Variants in TMEM178B observed in about 807,000 individuals in gnomAD.
TMEM178B encodes the protein transmembrane protein 178B.
TMEM178B carries 5 observed loss-of-function variants against 31.0 expected under a neutral mutation model. That is an observed-to-expected ratio of 0.16 (90% CI 0.08 to 0.34). The LOEUF (loss-of-function observed/expected upper bound fraction) is 0.34, where lower values mean the gene tolerates loss of function less well. Ranked by LOEUF, TMEM178B falls within the 10% of genes least tolerant of loss-of-function variation. The pLI is 1.00. For synonymous variants in TMEM178B, 164 were observed against 164.0 expected, an observed-to-expected ratio of 1.00 and a Z score of 0.00; for missense variants, 275 against 400.3, an observed-to-expected ratio of 0.69 and a Z score of 2.67.
chr7:141,243,813 A>G (rs1305478840), intron 2 of TMEM178B, among the ~76,000 whole-genome samples: 1 of 152,106 alleles, frequency 6.6e-6, no homozygotes, highest in African/African-American at 2.4e-5. Flanking sequence ...AATAGTGGCG[A>G]GTGTATTTTC....
At chr7:141,368,081 G>A (rs908115900) in intron 2 of TMEM178B, among the ~76,000 whole-genome samples, 2 of 152,200 alleles carry the variant, frequency 1.3e-5, no homozygotes, top group East Asian at 3.9e-4. Flanking sequence ...CACTTTGGGA[G>A]GCCAAAGTGG....
chr7:141,109,346 T>A (rs1368266354), intron 1 of TMEM178B, among the ~76,000 whole-genome samples: 1 of 151,924 alleles, frequency 6.6e-6, no homozygotes, highest in Non-Finnish European at 1.5e-5. Context: ...GTTAAATGAT[T>A]GATGGAGAAA....
chr7:141,133,380 A>T (rs927344638), intron 1 of TMEM178B, among the ~76,000 whole-genome samples: 4 of 152,134 alleles, frequency 2.6e-5, no homozygotes, highest in Non-Finnish European at 5.9e-5. Context: ...TTCAACAAAG[A>T]TATACTTACC....
intron 1 of TMEM178B, among the ~76,000 whole-genome samples, chr7:141,165,760 A>G (rs1260122461): frequency 7.9e-5 from 12 of 152,234 alleles, no homozygotes; most frequent in African/African-American, 2.9e-4. Flanking sequence ...GCTTGAGTTG[A>G]AATCTCAGCT....
chr7:141,398,025 A>G (rs1800688535), intron 2 of TMEM178B, among the ~76,000 whole-genome samples: 2 of 152,140 alleles, frequency 1.3e-5, no homozygotes, highest in African/African-American at 4.8e-5. Context: ...TTTCAGAGTC[A>G]GGAGATTGGT....
intron 2 of TMEM178B, among the ~76,000 whole-genome samples, chr7:141,218,104 G>A (rs187157957): frequency 2.7e-4 from 41 of 151,842 alleles, no homozygotes; most frequent in African/African-American, 9.9e-4. Flanking sequence ...ACACAGACAC[G>A]AGCTCACTCA....
At chr7:141,315,119 A>G (rs565062053) in intron 2 of TMEM178B, among the ~76,000 whole-genome samples, 1 of 152,246 alleles carries the variant, frequency 6.6e-6, no homozygotes, top group African/African-American at 2.4e-5. Context: ...TAGTTTTTTA[A>G]TGTCCCTCCA....
At chr7:141,184,584 T>G (rs564761670) in intron 1 of TMEM178B, among the ~76,000 whole-genome samples, 79 of 152,288 alleles carry the variant, frequency 5.2e-4, no homozygotes, top group Non-Finnish European at 9.7e-4. Flanking sequence ...TTCACCTACT[T>G]GTGCTGCCTT....
rs567574039 is a variant in TMEM178B, at chr7:141,092,165, A to C, written c.382+17473A>C. Among the ~76,000 whole-genome samples the C allele has an allele frequency of 9.8e-5, 15 of 152,324 alleles. No individual in the cohort carries two copies. The South Asian group carries it at 1.7e-3, about 17-fold the overall frequency. On this transcript the variant is annotated intron_variant, in intron 1 of 3. Coordinates refer to ENST00000565468, the MANE Select transcript of TMEM178B (RefSeq NM_001195278.2). The stretch of plus-strand genomic sequence containing the variant: ...AGACAGGATTAGTTCCCTTGGCCTC[A>C]AATATTTCTTGATTATAGTAATTCT...
chr7:141,231,244 A>G (rs532107040), intron 2 of TMEM178B, among the ~76,000 whole-genome samples: 2 of 152,254 alleles, frequency 1.3e-5, no homozygotes, highest in South Asian at 2.1e-4. Context: ...TGAATGAACA[A>G]ACAAAGCCTT....
chr7:141,241,243 C>T (rs1379003154), intron 2 of TMEM178B, among the ~76,000 whole-genome samples: 2 of 151,616 alleles, frequency 1.3e-5, no homozygotes, highest in African/African-American at 2.4e-5. Context: ...GAAGAAGTTT[C>T]CTGCTTTCCT....
At chr7:141,486,685 A>G in the TMEM178B span, among the ~76,000 whole-genome samples, 1 of 152,152 alleles carries the variant, frequency 6.6e-6, no homozygotes, top group Non-Finnish European at 1.5e-5. Flanking sequence ...AACAAACACT[A>G]CTTATAAGTA....
At chr7:141,197,324 G>C (rs1239018578) in intron 1 of TMEM178B, among the ~76,000 whole-genome samples, 1 of 152,204 alleles carries the variant, frequency 6.6e-6, no homozygotes. Context: ...GATTCTTAAA[G>C]CCAGGATTAG....
intron 1 of TMEM178B, among the ~76,000 whole-genome samples, chr7:141,098,835 T>C (rs1795006741): frequency 6.6e-6 from 1 of 152,250 alleles, no homozygotes. Context: ...AAGTGCTGTA[T>C]GTGCAAGTGC....
chr7:141,075,354 T>C (rs1794585502), intron 1 of TMEM178B, among the ~76,000 whole-genome samples: 1 of 151,886 alleles, frequency 6.6e-6, no homozygotes, highest in Admixed American at 6.6e-5. Context: ...AAAAAAAAAA[T>C]AGTTCTTTCA....
intron 2 of TMEM178B, among the ~76,000 whole-genome samples, chr7:141,335,333 C>T (rs1799366163): frequency 6.6e-6 from 1 of 152,222 alleles, no homozygotes; most frequent in South Asian, 2.1e-4. Context: ...ACCAGGGTCC[C>T]TATCTGTCTC....
chr7:141,097,793 CTTTTTTT>C lies in TMEM178B; in HGVS notation c.382+23112_382+23118del, dbSNP rs552569756. On this transcript the variant is annotated intron_variant, in intron 1 of 3. Transcript: ENST00000565468. ...ATGTTTCTTTTCTTTTTCTTTCTTT[CTTTTTTT>C]TTTTTTTTTTGAGACAAAGTCTCAC... is the stretch of plus-strand genomic sequence containing the variant. Among the ~76,000 whole-genome samples, 7 of 125,938 alleles carry C rather than the reference CTTTTTTT, an allele frequency of 5.6e-5. No individual in the cohort carries two copies. The Admixed American group carries it at 5.6e-4, about 10-fold the overall frequency. The allele number at this position is 125,938 out of a possible 152,430, so 82.6% of individuals were successfully genotyped here. A position where few individuals can be genotyped will look rare whatever the true frequency, so the allele number is the denominator to read the frequency against.
intron 1 of TMEM178B, among the ~76,000 whole-genome samples, chr7:141,109,521 A>G (rs1795201043): frequency 6.6e-6 from 1 of 152,118 alleles, no homozygotes; most frequent in Non-Finnish European, 1.5e-5. Flanking sequence ...CCTTTTCTTC[A>G]GTATACTTAA....
intron 2 of TMEM178B, among the ~76,000 whole-genome samples, chr7:141,374,276 G>A (rs1215633317): frequency 6.6e-6 from 1 of 152,168 alleles, no homozygotes; most frequent in Non-Finnish European, 1.5e-5. Context: ...TAATGGGAGA[G>A]ACTGTGACAT....
Sources: gnomAD v4.1 joint callset for allele counts (sites outside exome capture counted in the v4.1 genomes callset) on GRCh38, gnomAD v4.1.1 for gene constraint, MANE v1.5 for transcripts, NCBI Gene and HGNC (gene_info 2026-07-23, HGNC 2026-07-21) for gene names.